Variants in ORC5 observed in about 807,000 individuals in gnomAD.
The protein encoded by ORC5 is origin recognition complex subunit 5.
ORC5 carries 39 observed loss-of-function variants against 58.8 expected under a neutral mutation model. The observed-to-expected ratio is 0.66, with a 90% CI of 0.51 to 0.87. The LOEUF (loss-of-function observed/expected upper bound fraction) is 0.87. Ranked by LOEUF, ORC5 falls within the 40% of genes least tolerant of loss-of-function variation. ORC5 has a pLI of 0.00. For missense variants in ORC5, 493 were observed against 506.3 expected, an observed-to-expected ratio of 0.97 and a Z score of 0.25; for synonymous variants, 218 against 177.6, an observed-to-expected ratio of 1.23 and a Z score of -1.81.
At chr7:104,192,863 G>T (rs1426976598) in intron 5 of ORC5, among the ~76,000 whole-genome samples, 1 of 147,552 alleles carries the variant, frequency 6.8e-6, no homozygotes, top group Non-Finnish European at 1.5e-5. Context: ...CTAGACACTT[G>T]TTAAAAAAAA....
intron 12 of ORC5, among the ~76,000 whole-genome samples, chr7:104,156,366 T>A (rs1268296593): frequency 6.6e-6 from 1 of 151,840 alleles, no homozygotes; most frequent in Admixed American, 6.6e-5. Flanking sequence ...TAGAATTTTA[T>A]TTAAAATTCA....
At chr7:104,140,265 T>C (rs1285284816) in intron 12 of ORC5, among the ~76,000 whole-genome samples, 1 of 152,140 alleles carries the variant, frequency 6.6e-6, no homozygotes, top group Non-Finnish European at 1.5e-5. Flanking sequence ...CATTTGTTTT[T>C]AATATATCTA....
At chr7:104,168,218 G>A in intron 9 of ORC5, 2 of 990,800 alleles carry the variant, frequency 2.0e-6, no homozygotes, top group Non-Finnish European at 1.3e-6. Context: ...TAAAGAAATA[G>A]AAACTGCTTG....
At chr7:104,155,153 C>G (rs1481833100) in intron 12 of ORC5, among the ~76,000 whole-genome samples, 3 of 151,718 alleles carry the variant, frequency 2.0e-5, no homozygotes, top group African/African-American at 7.2e-5. Flanking sequence ...ATTGTTGATT[C>G]ATGACCAATA....
intron 8 of ORC5, among the ~76,000 whole-genome samples, chr7:104,176,408 T>C (rs950193244): frequency 6.6e-6 from 1 of 152,176 alleles, no homozygotes; most frequent in Non-Finnish European, 1.5e-5. Flanking sequence ...GTCAAAGAAA[T>C]ATTTTGCGGT....
At chr7:104,157,818 T>C (rs1197746462) in intron 12 of ORC5, among the ~76,000 whole-genome samples, 2 of 152,080 alleles carry the variant, frequency 1.3e-5, no homozygotes, top group Non-Finnish European at 2.9e-5. Context: ...ACTATGATGC[T>C]ACTATTACAA....
chr7:104,181,148 TGAG>T (rs150395959), intron 8 of ORC5, among the ~76,000 whole-genome samples: 5,654 of 152,308 alleles, frequency 0.037, 167 homozygotes, highest in South Asian at 0.1. Flanking sequence ...GAATAACTGA[TGAG>T]GATGTTTTTA....
intron 12 of ORC5, among the ~76,000 whole-genome samples, chr7:104,148,780 C>T (rs567985889): frequency 6.6e-6 from 1 of 152,066 alleles, no homozygotes; most frequent in Non-Finnish European, 1.5e-5. Context: ...ACACCTGTAA[C>T]CCCCGCACTT....
chr7:104,157,620 C>A (rs760922447), intron 12 of ORC5, among the ~76,000 whole-genome samples: 10 of 152,096 alleles, frequency 6.6e-5, no homozygotes, highest in Non-Finnish European at 1.2e-4. Flanking sequence ...TCATCATAGT[C>A]AATGGCTCAG....
intron 8 of ORC5, among the ~76,000 whole-genome samples, chr7:104,177,981 T>C (rs965561132): frequency 6.6e-6 from 1 of 152,210 alleles, no homozygotes; most frequent in African/African-American, 2.4e-5. Context: ...TGATGGGCAT[T>C]TGGGTTGGTT....
chr7:104,156,930 T>C (rs1404174021), intron 12 of ORC5, among the ~76,000 whole-genome samples: 2 of 151,924 alleles, frequency 1.3e-5, no homozygotes, highest in Non-Finnish European at 2.9e-5. Context: ...AAAGGTCTGT[T>C]TGCCTGGCTC....
intron 12 of ORC5, among the ~76,000 whole-genome samples, chr7:104,146,979 T>C (rs1214774294): frequency 2.6e-5 from 4 of 152,156 alleles, no homozygotes; most frequent in Non-Finnish European, 5.9e-5. Context: ...AATCTATAAT[T>C]ACCTCAAAAA....
At chr7:104,144,385 C>T (rs767453985) in intron 12 of ORC5, among the ~76,000 whole-genome samples, 13 of 152,030 alleles carry the variant, frequency 8.6e-5, no homozygotes, top group Non-Finnish European at 1.6e-4. Context: ...TTCTATTATC[C>T]AATCCTTAAA....
chr7:104,167,683 G>C (rs937244791), intron 9 of ORC5, among the ~76,000 whole-genome samples: 1 of 152,202 alleles, frequency 6.6e-6, no homozygotes, highest in Non-Finnish European at 1.5e-5. Context: ...GTCAGACACT[G>C]TGTTAGGTGC....
At chr7:104,204,030 G>C (rs1584529282) in intron 2 of ORC5, 112 bp downstream of exon 2, 1 of 541,200 alleles carries the variant, frequency 1.8e-6, no homozygotes, top group Admixed American at 3.6e-5. Context: ...ATGGGAAGGA[G>C]AGTAATGTAA....
chr7:104,167,973 T>A (rs184308153), intron 9 of ORC5: 6,640 of 91,362 alleles, frequency 0.073, 484 homozygotes, highest in African/African-American at 0.29. Flanking sequence ...TAAAAAAAAA[T>A]TTTTTTTCAA....
At chr7:104,128,501 T>C (rs886229138) in intron 13 of ORC5, among the ~76,000 whole-genome samples, 11 of 152,028 alleles carry the variant, frequency 7.2e-5, no homozygotes, top group African/African-American at 2.7e-4. Context: ...ACGGATATAA[T>C]AGACTACTTT....
chr7:104,142,764 A>G (rs1263265806), intron 12 of ORC5, among the ~76,000 whole-genome samples: 8 of 152,208 alleles, frequency 5.3e-5, no homozygotes, highest in African/African-American at 1.9e-4. Context: ...TTCACTTAAT[A>G]ATGATAAAAT....
chr7:104,161,920 C>T (rs2115853591), intron 11 of ORC5, among the ~76,000 whole-genome samples: 1 of 152,206 alleles, frequency 6.6e-6, no homozygotes, highest in South Asian at 2.1e-4. Flanking sequence ...TGTACCACTG[C>T]CAGGAAAATT....
Sources: allele counts gnomAD v4.1 joint callset (sites outside exome capture counted in the v4.1 genomes callset), GRCh38; gene constraint gnomAD v4.1.1; transcripts MANE v1.5; gene names NCBI Gene and HGNC (gene_info 2026-07-23, HGNC 2026-07-21).